The following BABAM2 variants were observed in gnomAD, a reference collection of about 807,000 sequenced individuals.
BABAM2 encodes BRISC and BRCA1 A complex member 2, also known as BRISC and BRCA1-A complex member 2.
In BABAM2, 31 loss-of-function variants were observed where a neutral mutation model predicts 54.7. The observed-to-expected ratio is 0.57, with a 90% CI of 0.43 to 0.77. The LOEUF (loss-of-function observed/expected upper bound fraction) is 0.77, where lower values mean the gene tolerates loss of function less well. BABAM2 is among the 30% of genes least tolerant of loss of function. BABAM2 has a pLI of 0.00. For synonymous variants in BABAM2, 167 were observed against 162.9 expected, an observed-to-expected ratio of 1.03 and a Z score of -0.19; for missense variants, 364 against 455.8, an observed-to-expected ratio of 0.80 and a Z score of 1.83.
intron 10 of BABAM2, among the ~76,000 whole-genome samples, chr2:28,259,950 G>T (rs565930508): frequency 6.6e-6 from 1 of 151,784 alleles, no homozygotes; most frequent in African/African-American, 2.4e-5. Context: ...GCCCAGGCTG[G>T]AGTGCAGTGG....
At chr2:27,910,951 T>C (rs1666543794) in intron 2 of BABAM2, among the ~76,000 whole-genome samples, 1 of 152,220 alleles carries the variant, frequency 6.6e-6, no homozygotes, top group African/African-American at 2.4e-5. Flanking sequence ...GGTAATTGAA[T>C]CCTGGGGGTG....
At chr2:28,072,695 C>A (rs1664279016) in intron 6 of BABAM2, among the ~76,000 whole-genome samples, 1 of 152,154 alleles carries the variant, frequency 6.6e-6, no homozygotes, top group African/African-American at 2.4e-5. Context: ...AGCCTGGATT[C>A]TTCTAATGGG....
At chr2:27,970,812 T>C (rs1671155584) in intron 3 of BABAM2, among the ~76,000 whole-genome samples, 1 of 152,140 alleles carries the variant, frequency 6.6e-6, no homozygotes, top group South Asian at 2.1e-4. Context: ...CTAGAACAAT[T>C]CTCTTACCCT....
upstream of BABAM2, chr2:27,889,896 G>C (rs1239932834): frequency 8.9e-6 from 2 of 225,154 alleles, no homozygotes; most frequent in Non-Finnish European, 1.7e-5. Context: ...CATTCTCGGA[G>C]GTAAAATGAC....
intron 3 of BABAM2, among the ~76,000 whole-genome samples, chr2:27,938,143 C>A (rs1436929569): frequency 1.3e-5 from 2 of 152,028 alleles, no homozygotes; most frequent in African/African-American, 4.8e-5. Flanking sequence ...CTGGGCTTTC[C>A]ATTAATTTTA....
chr2:27,991,959 T>C (rs891008392), intron 4 of BABAM2, among the ~76,000 whole-genome samples: 3 of 152,206 alleles, frequency 2.0e-5, no homozygotes, highest in Non-Finnish European at 2.9e-5. Context: ...GGCTGTGGCA[T>C]TTTACATTCT....
chr2:28,045,749 C>G lies in BABAM2; in HGVS notation c.520C>G (p.Leu174Val). The stretch of plus-strand genomic sequence containing the variant: ...GACTGGTGAATTTTCAGCTCGTTTC[C>G]TTTTGAAGCTGCCCGTAGATTTCAG... Reference protein sequence around the residue: ...NWTGEFSARFLLKLPVDFSNI... With the variant: ...NWTGEFSARFVLKLPVDFSNI... Residue 174 changes from leucine (L) to valine (V), a missense_variant, in exon 6 of 12, where the codon CTT (leucine) becomes GTT (valine). Transcript: ENST00000379624. 6.2e-7 allele frequency: 1 copy of G among 1,611,328 alleles called. No homozygotes were observed. Among genetic ancestry groups the G allele is most frequent in the East Asian group, 2.2e-5 (1 of 44,792 alleles).
At chr2:27,990,716 CAA>C (rs1415273966) in intron 4 of BABAM2, among the ~76,000 whole-genome samples, 2 of 151,658 alleles carry the variant, frequency 1.3e-5, no homozygotes, top group East Asian at 3.9e-4. Flanking sequence ...ATTTTTAAAA[CAA>C]AAATATATTA....
At chr2:28,062,022 T>A (rs1363043814) in intron 6 of BABAM2, among the ~76,000 whole-genome samples, 3 of 151,678 alleles carry the variant, frequency 2.0e-5, no homozygotes, top group Admixed American at 2.0e-4. Context: ...ACTTTGGGAG[T>A]CCAAGTCAGG....
chr2:28,319,069 T>G (rs1689805412), intron 11 of BABAM2, among the ~76,000 whole-genome samples: 1 of 152,200 alleles, frequency 6.6e-6, no homozygotes, highest in African/African-American at 2.4e-5. Context: ...TGAAGATGCC[T>G]TTAAAAATGC....
intron 6 of BABAM2, among the ~76,000 whole-genome samples, chr2:28,108,648 G>A (rs535108945): frequency 6.6e-6 from 1 of 152,214 alleles, no homozygotes; most frequent in South Asian, 2.1e-4. Context: ...TTTTCATTTA[G>A]GGAGCTATTA....
chr2:28,327,163 C>T, intron 11 of BABAM2: 1 of 1,141,506 alleles, frequency 8.8e-7, no homozygotes, highest in East Asian at 2.4e-5. Flanking sequence ...GAGAAAGAAG[C>T]TGGTCCCATG....
At chr2:28,313,365 G>A (rs1214594731) in intron 11 of BABAM2, among the ~76,000 whole-genome samples, 1 of 152,238 alleles carries the variant, frequency 6.6e-6, no homozygotes, top group Non-Finnish European at 1.5e-5. Context: ...GCTGCACATT[G>A]AGAAGAGGAT....
chr2:27,920,782 GTTC>G (rs1198934997), intron 2 of BABAM2, among the ~76,000 whole-genome samples: 2 of 152,082 alleles, frequency 1.3e-5, no homozygotes, highest in Admixed American at 1.3e-4. Context: ...CATCTACTTT[GTTC>G]TTTTTAGGTG....
At chr2:28,064,734 G>A (rs903898681) in intron 6 of BABAM2, among the ~76,000 whole-genome samples, 3 of 152,226 alleles carry the variant, frequency 2.0e-5, no homozygotes, top group Non-Finnish European at 2.9e-5. Context: ...GGGTGCGGTG[G>A]CTCACGCCTG....
intron 10 of BABAM2, among the ~76,000 whole-genome samples, chr2:28,255,228 A>G (rs1161710946): frequency 4.6e-5 from 7 of 152,140 alleles, no homozygotes; most frequent in Non-Finnish European, 1.0e-4. Flanking sequence ...CTTTCTTTAG[A>G]AAATAGGAGA....
intron 6 of BABAM2, among the ~76,000 whole-genome samples, chr2:28,112,796 A>T (rs1237781243): frequency 6.6e-6 from 1 of 152,156 alleles, no homozygotes; most frequent in Non-Finnish European, 1.5e-5. Flanking sequence ...GTCTTCCACA[A>T]TGGTTGAACT....
chr2:27,995,403 C>T lies in BABAM2; in HGVS notation c.300+7316C>T, dbSNP rs1391272965. On this transcript the variant is annotated intron_variant, in intron 4 of 11. Coordinates refer to ENST00000379624, the MANE Select transcript of BABAM2 (RefSeq NM_199191.3). The surrounding 1 kb of genome is among the most constrained non-coding windows in gnomAD (Gnocchi z 4.1). ...CTCTGTTGACAAGCTGAACACTGCACCCACTGGCAGAAGAAAAATGTTTAC... is the reference window on the plus strand; with the variant it reads ...CTCTGTTGACAAGCTGAACACTGCATCCACTGGCAGAAGAAAAATGTTTAC... 6.6e-6 allele frequency among the ~76,000 whole-genome samples: 1 copy of T among 152,132 alleles called. No homozygotes were observed. The highest frequency in any genetic ancestry group is 2.4e-5 in the African/African-American group (1 of 41,422).
intron 7 of BABAM2, among the ~76,000 whole-genome samples, chr2:28,227,719 C>T (rs1681017950): frequency 6.6e-6 from 1 of 152,032 alleles, no homozygotes; most frequent in Non-Finnish European, 1.5e-5. Context: ...CACCCCTTCC[C>T]ATTCCAGCCC....
Sources: gnomAD v4.1 joint callset for allele counts (sites outside exome capture counted in the v4.1 genomes callset) on GRCh38, gnomAD v4.1.1 for gene constraint, Gnocchi (gnomAD v3.1) non-coding constraint, MANE v1.5 for transcripts, NCBI Gene and HGNC (gene_info 2026-07-23, HGNC 2026-07-21) for gene names.